The following DNM3 variants were observed in gnomAD, a reference collection of about 807,000 sequenced individuals.
DNM3 encodes the protein dynamin-3.
Under a neutral mutation model 101.6 loss-of-function variants are expected in DNM3, and 47 were observed. The ratio of observed to expected loss-of-function variants is 0.46; its 90% CI spans 0.37 to 0.59. The LOEUF (loss-of-function observed/expected upper bound fraction) is 0.59, where lower values mean the gene tolerates loss of function less well. Ranked by LOEUF, DNM3 falls within the 20% of genes least tolerant of loss-of-function variation. DNM3 has a pLI of 0.00. For missense variants in DNM3, 849 were observed against 1,085.7 expected (o/e 0.78, Z 3.06); for synonymous variants, 385 against 387.9 (o/e 0.99, Z 0.09).
At chr1:171,927,262 G>A (rs1352000707) in intron 2 of DNM3, among the ~76,000 whole-genome samples, 1 of 152,120 alleles carries the variant, frequency 6.6e-6, no homozygotes, top group Non-Finnish European at 1.5e-5. Flanking sequence ...TTTTAGGTTT[G>A]GGGGTGCATG....
At chr1:171,996,225 T>C (rs1433245808) in intron 4 of DNM3, among the ~76,000 whole-genome samples, 1 of 152,046 alleles carries the variant, frequency 6.6e-6, no homozygotes, top group Non-Finnish European at 1.5e-5. Context: ...TAGAAGAGGG[T>C]TTTTAGCATA....
chr1:171,866,000 C>A (rs2034709016), intron 1 of DNM3, among the ~76,000 whole-genome samples: 1 of 152,078 alleles, frequency 6.6e-6, no homozygotes, highest in Non-Finnish European at 1.5e-5. Context: ...AACCTTGAAG[C>A]TTTCATATTG....
intron 4 of DNM3, among the ~76,000 whole-genome samples, chr1:172,028,311 A>G (rs1039738535): frequency 2.0e-5 from 3 of 152,248 alleles, no homozygotes; most frequent in African/African-American, 7.2e-5. Context: ...CTGCTCCTGA[A>G]TGACTACTGG....
At chr1:172,225,210 C>G (rs1281036748) in intron 14 of DNM3, among the ~76,000 whole-genome samples, 1 of 128,094 alleles carries the variant, frequency 7.8e-6, no homozygotes, top group Non-Finnish European at 1.5e-5. Flanking sequence ...ACTATCTTGG[C>G]TCACTGCAAC....
At chr1:171,983,593 TA>T (rs2045003068) in intron 2 of DNM3, among the ~76,000 whole-genome samples, 1 of 152,144 alleles carries the variant, frequency 6.6e-6, no homozygotes, top group Admixed American at 6.6e-5. Context: ...CAGGGCCTGG[TA>T]CTCTGACCTC....
At chr1:172,380,818 C>T (rs2068853591) in intron 18 of DNM3, 2 of 151,468 alleles carry the variant, frequency 1.3e-5, no homozygotes, top group African/African-American at 2.4e-5. Context: ...AAACATTTTC[C>T]TGATTAAGGA....
intron 13 of DNM3, among the ~76,000 whole-genome samples, chr1:172,105,561 T>A (rs2054951479): frequency 6.6e-6 from 1 of 152,196 alleles, no homozygotes; most frequent in Non-Finnish European, 1.5e-5. Context: ...TTTATTATTC[T>A]TTTTTCAAAA....
chr1:172,193,628 A>G (rs904450744), intron 14 of DNM3, among the ~76,000 whole-genome samples: 56 of 151,920 alleles, frequency 3.7e-4, no homozygotes, highest in African/African-American at 1.0e-3. Context: ...TTTCCTCTAG[A>G]TTTTCTAGTT....
At chr1:171,984,949 A>C (rs2045135403) in intron 2 of DNM3, among the ~76,000 whole-genome samples, 1 of 152,238 alleles carries the variant, frequency 6.6e-6, no homozygotes, top group South Asian at 2.1e-4. Context: ...CTTGATTCCA[A>C]GATAAAAGTA....
At chr1:171,987,912 G>A (rs2045376594) in intron 3 of DNM3, 107 bp downstream of exon 3, 1 of 1,137,268 alleles carries the variant, frequency 8.8e-7, no homozygotes, top group Non-Finnish European at 1.2e-6. Context: ...GGTTTCTAGG[G>A]TATCCTTTGG....
chr1:172,222,333 G>C (rs2060937707), intron 14 of DNM3, among the ~76,000 whole-genome samples: 1 of 152,126 alleles, frequency 6.6e-6, no homozygotes, highest in African/African-American at 2.4e-5. Flanking sequence ...AAGAAATTCT[G>C]AACAGATTTT....
intron 14 of DNM3, among the ~76,000 whole-genome samples, chr1:172,201,736 C>G (rs572652080): frequency 7.2e-5 from 11 of 152,192 alleles, no homozygotes; most frequent in African/African-American, 2.4e-4. Context: ...TTCAGTTGCC[C>G]CTGGGGGCCT....
chr1:172,071,687 T>C (rs1418706631), intron 11 of DNM3, among the ~76,000 whole-genome samples: 1 of 152,188 alleles, frequency 6.6e-6, no homozygotes, highest in Non-Finnish European at 1.5e-5. Flanking sequence ...CTGTAGCTTT[T>C]TCTTAAACAA....
chr1:172,163,979 AC>A (rs2058653317), intron 14 of DNM3, among the ~76,000 whole-genome samples: 1 of 151,680 alleles, frequency 6.6e-6, no homozygotes, highest in African/African-American at 2.4e-5. Flanking sequence ...ACACACACAC[AC>A]ACACACATCT....
chr1:172,232,789 C>T (rs181002262), intron 14 of DNM3, among the ~76,000 whole-genome samples: 1 of 152,294 alleles, frequency 6.6e-6, no homozygotes, highest in East Asian at 1.9e-4. Flanking sequence ...TGAATGACTA[C>T]TGGGTACATA....
rs1053502063 is a variant in DNM3 at position 172,366,726 on chromosome 1, T to C, written c.1894-12292T>C. 4.0e-5 allele frequency: 6 copies of C among 151,732 alleles called. 1 individual carries two copies. Among genetic ancestry groups the C allele is most frequent in the South Asian group, 4.1e-4 (2 of 4,824 alleles). The allele number at this position is 151,732 out of a possible 1,614,324, so 9.4% of individuals were successfully genotyped here. On this transcript the variant is annotated intron_variant, in intron 17 of 20. Coordinates refer to ENST00000627582, the MANE Select transcript of DNM3 (RefSeq NM_015569.5). ...ATCTTGGAGCTGACAAATTCAATGA[T>C]TGAAATAAAAAATACAATTGAGAGA...
chr1:172,140,457 TA>T (rs2057510597), intron 14 of DNM3: 1 of 151,972 alleles, frequency 6.6e-6, no homozygotes, highest in Non-Finnish European at 1.5e-5. Context: ...CAACAGAAAG[TA>T]ATTATAGAGT....
At chr1:172,196,594 C>A (rs1376970204) in intron 14 of DNM3, among the ~76,000 whole-genome samples, 1 of 152,006 alleles carries the variant, frequency 6.6e-6, no homozygotes, top group African/African-American at 2.4e-5. Flanking sequence ...TTAATAATAG[C>A]CATGCTGACT....
At chr1:172,008,837 A>T (rs1260561278) in intron 4 of DNM3, among the ~76,000 whole-genome samples, 1 of 138,992 alleles carries the variant, frequency 7.2e-6, no homozygotes, top group Non-Finnish European at 1.5e-5. Flanking sequence ...TATATAATAT[A>T]TATTAATATA....
Sources: allele counts gnomAD v4.1 joint callset (sites outside exome capture counted in the v4.1 genomes callset), GRCh38; gene constraint gnomAD v4.1.1; transcripts MANE v1.5; gene names NCBI Gene and HGNC (gene_info 2026-07-23, HGNC 2026-07-21).